Variants in UBR1 observed in about 807,000 individuals in gnomAD.
UBR1 encodes the protein ubiquitin protein ligase E3 component n-recognin 1, also known as E3 ubiquitin-protein ligase UBR1.
A neutral mutation model predicts 242.1 loss-of-function variants in UBR1; 102 were observed. That is an observed-to-expected ratio of 0.42 (90% CI 0.36 to 0.50). The LOEUF (loss-of-function observed/expected upper bound fraction) is 0.50. Ranked by LOEUF, UBR1 falls within the 20% of genes least tolerant of loss-of-function variation. The pLI is 0.01. For synonymous variants in UBR1, 675 were observed against 684.8 expected (o/e 0.99, Z 0.22); for missense variants, 1,772 against 2,101.8 (o/e 0.84, Z 3.07).
Position 43,036,608 on chromosome 15 carries a change from G to GTGTT in UBR1, c.2023-16_2023-15insAACA. On this transcript the variant is annotated splice_polypyrimidine_tract_variant and intron_variant, in intron 17 of 46. Coordinates refer to ENST00000290650, the MANE Select transcript of UBR1 (RefSeq NM_174916.3). ...TAATAAAACACCTATAAGGTAATAG[G>GTGTT]TAGAATAAATCCTAAAAGAATTATT... is the stretch of plus-strand genomic sequence containing the variant. 1 of 1,480,458 alleles carries GTGTT rather than the reference G, an allele frequency of 6.8e-7. No homozygotes were observed. Among genetic ancestry groups the GTGTT allele is most frequent in the Non-Finnish European group, 9.4e-7 (1 of 1,062,730 alleles). 91.7% of individuals were successfully genotyped at this position (1,480,458 alleles called of 1,614,324 possible). A position where few individuals can be genotyped will look rare whatever the true frequency, so the allele number is the denominator to read the frequency against.
At chr15:43,046,331 G>A (rs764789205) in intron 14 of UBR1, among the ~76,000 whole-genome samples, 6 of 152,238 alleles carry the variant, frequency 3.9e-5, no homozygotes, top group Non-Finnish European at 8.8e-5. Context: ...TGCTGGTGGT[G>A]AAGCAGAAGA....
chr15:43,079,676 G>C (rs1243326604), intron 3 of UBR1, among the ~76,000 whole-genome samples: 2 of 152,190 alleles, frequency 1.3e-5, no homozygotes, highest in Non-Finnish European at 2.9e-5. Flanking sequence ...CAGCTACTCA[G>C]GAGGCTGAGG....
chr15:43,055,941 G>A (rs552852451), intron 11 of UBR1, among the ~76,000 whole-genome samples: 1 of 152,080 alleles, frequency 6.6e-6, no homozygotes, highest in South Asian at 2.1e-4. Context: ...AAGAAAAGAA[G>A]TGGTATACAA....
intron 14 of UBR1, among the ~76,000 whole-genome samples, chr15:43,046,773 G>T (rs1454613271): frequency 6.6e-6 from 1 of 152,158 alleles, no homozygotes; most frequent in Admixed American, 6.5e-5. Flanking sequence ...AAATACATTA[G>T]TTCTATAGTT....
intron 37 of UBR1, among the ~76,000 whole-genome samples, chr15:42,980,458 C>A (rs1247705882): frequency 6.6e-6 from 1 of 152,192 alleles, no homozygotes; most frequent in African/African-American, 2.4e-5. Flanking sequence ...TGCAACTTCC[C>A]TGTGCCTCAG....
intron 46 of UBR1, 53 bp downstream of exon 46, chr15:42,950,209 C>A: frequency 1.4e-6 from 2 of 1,421,320 alleles, no homozygotes; most frequent in South Asian, 2.3e-5. Flanking sequence ...AGAAAACAAT[C>A]AACATAAAAG....
At chr15:42,967,960 T>C (rs1206785454) in intron 40 of UBR1, among the ~76,000 whole-genome samples, 1 of 150,750 alleles carries the variant, frequency 6.6e-6, no homozygotes, top group African/African-American at 2.4e-5. Flanking sequence ...ATTATATATG[T>C]AGTATGTACT....
At position 43,104,147 on chromosome 15, in the gene UBR1, C is replaced by A. The variant is rs199587518; in HGVS notation, c.81+1795G>T. ...CAATCTACCTACTACTTTGCAAAAC[C>A]CAAAGCCCTGCCCAACAAAATCTAA... On this transcript the variant is annotated intron_variant, in intron 1 of 46. Transcript: ENST00000290650. 2.6e-5 allele frequency among the ~76,000 whole-genome samples: 4 copies of A among 152,148 alleles called. No individual in the cohort carries two copies. In the East Asian group the frequency reaches 7.7e-4, roughly 29 times the overall value.
At chr15:43,037,186 A>G (rs535951581) in intron 17 of UBR1, among the ~76,000 whole-genome samples, 1 of 151,934 alleles carries the variant, frequency 6.6e-6, no homozygotes, top group African/African-American at 2.4e-5. Flanking sequence ...CATCTCTACT[A>G]AAAACACAAA....
intron 15 of UBR1, among the ~76,000 whole-genome samples, chr15:43,042,203 G>C (rs148485086): frequency 2.8e-4 from 43 of 152,190 alleles, no homozygotes; most frequent in African/African-American, 9.9e-4. Flanking sequence ...AAAACTGAAA[G>C]CAAGGACTTG....
At chr15:43,087,852 G>A (rs1019235244) in intron 1 of UBR1, among the ~76,000 whole-genome samples, 2 of 152,072 alleles carry the variant, frequency 1.3e-5, no homozygotes, top group Non-Finnish European at 2.9e-5. Context: ...AAAGGAGAGG[G>A]CACAGATCTA....
intron 39 of UBR1, 110 bp from the exon 40 acceptor site, chr15:42,970,717 G>T: frequency 1.0e-6 from 1 of 1,000,894 alleles, no homozygotes; most frequent in Non-Finnish European, 1.5e-6. Flanking sequence ...ATTCAACTGA[G>T]GTTCTTTCCT....
intron 35 of UBR1, among the ~76,000 whole-genome samples, chr15:42,988,291 G>GTA (rs2032506051): frequency 6.6e-6 from 1 of 151,592 alleles, no homozygotes; most frequent in Non-Finnish European, 1.5e-5. Flanking sequence ...GTGTGTGTGT[G>GTA]TGAACACACA....
At chr15:42,977,045 A>G (rs1040460429) in intron 38 of UBR1, among the ~76,000 whole-genome samples, 178 bp from the exon 39 acceptor site, 1 of 152,220 alleles carries the variant, frequency 6.6e-6, no homozygotes, top group African/African-American at 2.4e-5. Context: ...TGTACCATAA[A>G]TGGAGGACGA....
intron 29 of UBR1, among the ~76,000 whole-genome samples, chr15:43,014,917 G>T (rs538653514): frequency 7.0e-6 from 1 of 141,986 alleles, no homozygotes; most frequent in Non-Finnish European, 1.6e-5. Flanking sequence ...CACCCCGTCC[G>T]GGAGGGAGGT....
intron 15 of UBR1, among the ~76,000 whole-genome samples, chr15:43,038,742 A>G (rs1180451635): frequency 6.6e-6 from 1 of 152,144 alleles, no homozygotes; most frequent in Admixed American, 6.6e-5. Flanking sequence ...GTGTGCTCAT[A>G]CCTTATTTAA....
chr15:42,972,899 T>C (rs938454365), intron 39 of UBR1, among the ~76,000 whole-genome samples: 2 of 152,196 alleles, frequency 1.3e-5, no homozygotes, highest in African/African-American at 2.4e-5. Context: ...TAAGAGTATA[T>C]TTAGTTTTGT....
chr15:43,002,809 C>T, intron 31 of UBR1, 105 bp from the exon 32 acceptor site: 1 of 1,406,454 alleles, frequency 7.1e-7, no homozygotes. Context: ...GAATTTTTGC[C>T]CCAATAAACA....
chr15:43,092,123 G>C, intron 1 of UBR1: 1 of 402,974 alleles, frequency 2.5e-6, no homozygotes, highest in Non-Finnish European at 5.0e-6. Flanking sequence ...GATTTAGGCA[G>C]AATGTCTGGG....
Sources: gnomAD v4.1 joint callset for allele counts (sites outside exome capture counted in the v4.1 genomes callset) on GRCh38, gnomAD v4.1.1 for gene constraint, MANE v1.5 for transcripts, NCBI Gene and HGNC (gene_info 2026-07-23, HGNC 2026-07-21) for gene names.